Variants in GLIS3 observed in about 807,000 individuals in gnomAD.
The protein encoded by GLIS3 is GLIS family zinc finger 3.
A neutral mutation model predicts 78.6 loss-of-function variants in GLIS3; 53 were observed. The observed-to-expected ratio is 0.67, with a 90% CI of 0.54 to 0.85. The LOEUF (loss-of-function observed/expected upper bound fraction) is 0.85. GLIS3 is among the 40% of genes least tolerant of loss of function. The probability of loss-of-function intolerance (pLI) is 0.00; values close to 1 mark genes in which losing one functional copy is unlikely to be tolerated. For synonymous variants in GLIS3, 684 were observed against 509.9 expected (o/e 1.34, Z -4.60); for missense variants, 1,703 against 1,231.1 (o/e 1.38, Z -5.74).
chr9:4,165,149 C>G (rs920929123), intron 2 of GLIS3, among the ~76,000 whole-genome samples: 11 of 152,140 alleles, frequency 7.2e-5, no homozygotes, highest in African/African-American at 2.7e-4. Context: ...CCATTCCCAA[C>G]ATCATTCCTG....
chr9:4,422,523 G>C, the GLIS3 span, among the ~76,000 whole-genome samples: 2 of 152,154 alleles, frequency 1.3e-5, no homozygotes, highest in Non-Finnish European at 2.9e-5. Flanking sequence ...GTTTCCCCTG[G>C]AAAATATCAC....
In GLIS3 at chr9:4,118,228, A is replaced by G. The variant is rs1310886275; in HGVS notation, c.1250T>C (p.Leu417Pro). The G allele has an allele frequency of 1.3e-6, 2 of 1,586,968 alleles. No individual in the cohort carries two copies. Among genetic ancestry groups the G allele is most frequent in the African/African-American group, 1.3e-5 (1 of 74,524 alleles). Reference sequence around the variant, plus strand: ...GGCCGACTGGCTGTCGGGGCCCGGCAGGCCATGCTGCACCACCATGTGGTT... The same window carrying G: ...GGCCGACTGGCTGTCGGGGCCCGGCGGGCCATGCTGCACCACCATGTGGTT... ...LVNHMVVQHG[L>P]PGPDSQSAGL... Residue 417 changes from leucine (L) to proline (P), a missense_variant, in exon 4 of 11, where the codon CTG (leucine) becomes CCG (proline). Physicochemically the swap from Leu to Pro is moderately conservative, Grantham distance 98. Transcript: ENST00000381971. The surrounding 1 kb of genome is among the most constrained non-coding windows in gnomAD (Gnocchi z 4.7).
intron 2 of GLIS3, among the ~76,000 whole-genome samples, chr9:4,162,754 G>A (rs1449163700): frequency 6.6e-6 from 1 of 151,396 alleles, no homozygotes; most frequent in African/African-American, 2.4e-5. Flanking sequence ...CTAGTCAGGA[G>A]GCTGAGGCAG....
At chr9:3,942,809 A>C (rs759062787) in intron 4 of GLIS3, among the ~76,000 whole-genome samples, 1 of 152,234 alleles carries the variant, frequency 6.6e-6, no homozygotes, top group Non-Finnish European at 1.5e-5. Flanking sequence ...TTTGAGCAGC[A>C]ACATTCTAGG....
chr9:3,875,783 A>C (rs576590963), intron 8 of GLIS3, among the ~76,000 whole-genome samples: 1 of 152,298 alleles, frequency 6.6e-6, no homozygotes, highest in South Asian at 2.1e-4. Context: ...GATGGGGCAC[A>C]CGTCCAGTAG....
intron 7 of GLIS3, among the ~76,000 whole-genome samples, chr9:3,894,048 A>C (rs1563821299): frequency 6.6e-6 from 1 of 152,204 alleles, no homozygotes; most frequent in Non-Finnish European, 1.5e-5. Context: ...ATAGCAGTTC[A>C]AAGGAATGCT....
intron 4 of GLIS3, among the ~76,000 whole-genome samples, chr9:3,943,998 G>A (rs1301713358): frequency 2.0e-5 from 3 of 152,096 alleles, no homozygotes; most frequent in Non-Finnish European, 4.4e-5. Flanking sequence ...GGCTTGTTGC[G>A]CTGCTTATTT....
chr9:4,130,639 T>C (rs952493839), intron 2 of GLIS3, among the ~76,000 whole-genome samples: 2 of 152,218 alleles, frequency 1.3e-5, no homozygotes, highest in Non-Finnish European at 2.9e-5. Flanking sequence ...AGTTGAGGCT[T>C]GGAAGCTTCT....
chr9:4,288,392 A>T (rs151172602), intron 1 of GLIS3, among the ~76,000 whole-genome samples: 286 of 152,326 alleles, frequency 1.9e-3, no homozygotes, highest in African/African-American at 6.6e-3. Context: ...GAATTGTTCA[A>T]CATGACTGGA....
intron 2 of GLIS3, among the ~76,000 whole-genome samples, chr9:4,342,149 C>T (rs1251337864): frequency 6.6e-6 from 1 of 152,124 alleles, no homozygotes; most frequent in Non-Finnish European, 1.5e-5. Flanking sequence ...GCACTTTTGT[C>T]ATGAAATCTT....
the GLIS3 span, among the ~76,000 whole-genome samples, chr9:4,488,579 G>C: frequency 1.3e-5 from 2 of 151,914 alleles, no homozygotes; most frequent in African/African-American, 4.8e-5. Context: ...GAGTGCTGCA[G>C]CGTGATCTCG....
intron 2 of GLIS3, among the ~76,000 whole-genome samples, chr9:4,239,136 C>G (rs543915714): frequency 8.0e-6 from 1 of 125,400 alleles, no homozygotes; most frequent in African/African-American, 3.1e-5. Flanking sequence ...TGAATAGTGC[C>G]GCAATAAACA....
chr9:4,100,803 C>A (rs1830313569), intron 4 of GLIS3, among the ~76,000 whole-genome samples: 1 of 152,142 alleles, frequency 6.6e-6, no homozygotes, highest in Non-Finnish European at 1.5e-5. Flanking sequence ...TCTATGTTAT[C>A]CCTCTACGGT....
intron 4 of GLIS3, among the ~76,000 whole-genome samples, chr9:4,060,464 A>T (rs1826554113): frequency 6.6e-6 from 1 of 152,142 alleles, no homozygotes; most frequent in Admixed American, 6.6e-5. Context: ...CTTAATCCCC[A>T]GTGTGGCAGT....
At chr9:3,952,347 A>G (rs1816753156) in intron 4 of GLIS3, among the ~76,000 whole-genome samples, 2 of 152,130 alleles carry the variant, frequency 1.3e-5, no homozygotes, top group African/African-American at 4.8e-5. Flanking sequence ...TTTGAACCAG[A>G]AGCCCCCCCA....
the GLIS3 span, among the ~76,000 whole-genome samples, chr9:4,468,100 A>G: frequency 2.0e-5 from 3 of 152,144 alleles, no homozygotes; most frequent in Non-Finnish European, 4.4e-5. Flanking sequence ...AAAAGGGAAA[A>G]AAGAAATGAA....
chr9:4,338,970 G>A (rs1023507242), intron 2 of GLIS3, among the ~76,000 whole-genome samples: 1 of 152,140 alleles, frequency 6.6e-6, no homozygotes, highest in African/African-American at 2.4e-5. Context: ...AAAATGAGAC[G>A]GCTTTATGTG....
chr9:4,300,683 A>T (rs1817030900), upstream of GLIS3, among the ~76,000 whole-genome samples: 1 of 151,868 alleles, frequency 6.6e-6, no homozygotes, highest in African/African-American at 2.4e-5. Context: ...TATCCTTATG[A>T]ATTCAACATC....
chr9:4,388,314 C>T, the GLIS3 span, among the ~76,000 whole-genome samples: 1 of 152,086 alleles, frequency 6.6e-6, no homozygotes, highest in Admixed American at 6.5e-5. Flanking sequence ...AAGCTGTTCA[C>T]ATCAAGGATG....
Sources: gnomAD v4.1 joint callset for allele counts (sites outside exome capture counted in the v4.1 genomes callset) on GRCh38, gnomAD v4.1.1 for gene constraint, Gnocchi (gnomAD v3.1) non-coding constraint, MANE v1.5 for transcripts, NCBI Gene and HGNC (gene_info 2026-07-23, HGNC 2026-07-21) for gene names.